The following PIGU variants were observed in gnomAD, a reference collection of about 807,000 sequenced individuals.
PIGU encodes the protein phosphatidylinositol glycan anchor biosynthesis class U.
PIGU carries 24 observed loss-of-function variants against 49.9 expected under a neutral mutation model. The ratio of observed to expected loss-of-function variants is 0.48; its 90% confidence interval spans 0.35 to 0.68. PIGU has a LOEUF of 0.68. PIGU is among the 30% of genes least tolerant of loss of function. PIGU has a pLI of 0.01. For synonymous variants in PIGU, 220 were observed against 205.7 expected (o/e 1.07, Z -0.59); for missense variants, 490 against 532.6 (o/e 0.92, Z 0.79).
At position 34,669,418 on chromosome 20, in the gene PIGU, G is replaced by GCAGGTAGAT. The variant is rs1480306733; in HGVS notation, c.130+7537_130+7538insATCTACCTG. ...GCAGTGACTCATGCCTGTAATCCCA[G>GCAGGTAGAT]CACTTTGGGAGGCAGAGGCAGGTAG... On this transcript the variant is annotated intron_variant, in intron 1 of 11. Transcript: ENST00000217446. Among the ~76,000 whole-genome samples the GCAGGTAGAT allele has an allele frequency of 2.3e-4, 35 of 152,254 alleles. No homozygotes were observed. In the East Asian group the frequency reaches 5.6e-3, roughly 24 times the overall value.
At chr20:34,621,585 G>T (rs1985236365) in intron 6 of PIGU, among the ~76,000 whole-genome samples, 1 of 152,122 alleles carries the variant, frequency 6.6e-6, no homozygotes, top group Non-Finnish European at 1.5e-5. Context: ...GCAAAAGTGA[G>T]GGTGAGTATG....
At chr20:34,655,968 CTTTTTTTTTTTT>C (rs759103027) in intron 2 of PIGU, among the ~76,000 whole-genome samples, 3 of 76,772 alleles carry the variant, frequency 3.9e-5, no homozygotes, top group African/African-American at 1.5e-4. Context: ...TTTCACTATT[CTTTTTTTTTTTT>C]TTTTTTTTTT....
At chr20:34,631,898 G>T (rs1352506640) in intron 6 of PIGU, among the ~76,000 whole-genome samples, 10 of 144,052 alleles carry the variant, frequency 6.9e-5, no homozygotes, top group African/African-American at 2.6e-4. Context: ...ACAGTGCAGT[G>T]TCACTATCTT....
chr20:34,570,088 G>A (rs974347316), intron 11 of PIGU, among the ~76,000 whole-genome samples: 3 of 152,190 alleles, frequency 2.0e-5, no homozygotes, highest in Admixed American at 6.5e-5. Context: ...ACAATGTAAA[G>A]GGCTGTCAGT....
At chr20:34,659,183 G>T (rs1488922771) in intron 1 of PIGU, among the ~76,000 whole-genome samples, 1 of 118,732 alleles carries the variant, frequency 8.4e-6, no homozygotes, top group Non-Finnish European at 1.8e-5. Flanking sequence ...CCGGCCAGCC[G>T]CCCCGTCCAG....
intron 3 of PIGU, 111 bp downstream of exon 3, chr20:34,645,164 G>A (rs1203074881): frequency 5.7e-6 from 7 of 1,223,310 alleles, no homozygotes; most frequent in Non-Finnish European, 6.5e-6. Flanking sequence ...GACCAGCCTG[G>A]GCAACACAGT....
At chr20:34,622,531 CAAA>C (rs201784721) in intron 6 of PIGU, among the ~76,000 whole-genome samples, 1 of 150,852 alleles carries the variant, frequency 6.6e-6, no homozygotes, top group Non-Finnish European at 1.5e-5. Context: ...AAAACAAAAA[CAAA>C]AAAAAAGTTA....
chr20:34,653,051 C>T (rs1986593936), intron 2 of PIGU, among the ~76,000 whole-genome samples: 1 of 151,540 alleles, frequency 6.6e-6, no homozygotes, highest in Non-Finnish European at 1.5e-5. Flanking sequence ...CCGCTCACTG[C>T]AAGCTCCGCC....
chr20:34,635,739 G>T (rs1985936974), intron 5 of PIGU, among the ~76,000 whole-genome samples: 2 of 152,070 alleles, frequency 1.3e-5, no homozygotes, highest in South Asian at 4.1e-4. Flanking sequence ...GCCAGGCGTG[G>T]TGGCACATGC....
At position 34,588,507 on chromosome 20, in the gene PIGU, AG is replaced by A; in HGVS notation, c.727del (p.Leu243SerfsTer62). 1 of 1,613,984 alleles carries A rather than the reference AG, an allele frequency of 6.2e-7. No individual in the cohort carries two copies. On this transcript the variant is annotated frameshift_variant, in exon 8 of 12. Coordinates refer to ENST00000217446, the MANE Select transcript of PIGU (RefSeq NM_080476.5). LOFTEE classifies it high-confidence loss of function. ...CCAAGAGCTGAGAAGGAAGAAGGAGAGGCAAATGATTACCACTAGGCTTCCC... is the reference window on the plus strand; with the variant it reads ...CCAAGAGCTGAGAAGGAAGAAGGAGAGCAAATGATTACCACTAGGCTTCCC... ...YVGSLVVIIC[L>X]SFFLLSSWDF...
chr20:34,666,251 TA>T (rs577632429), intron 1 of PIGU, among the ~76,000 whole-genome samples: 12 of 152,176 alleles, frequency 7.9e-5, no homozygotes, highest in African/African-American at 2.2e-4. Context: ...AAGTGCCTAT[TA>T]GGGGGAAAAA....
At chr20:34,566,119 T>C (rs1982755365) in intron 11 of PIGU, among the ~76,000 whole-genome samples, 1 of 152,112 alleles carries the variant, frequency 6.6e-6, no homozygotes, top group Admixed American at 6.5e-5. Context: ...CACGCTTGCC[T>C]GCTCAGAAGT....
chr20:34,644,660 G>A (rs368824032), intron 3 of PIGU, among the ~76,000 whole-genome samples: 17 of 152,254 alleles, frequency 1.1e-4, no homozygotes, highest in African/African-American at 4.1e-4. Flanking sequence ...CCAGACAAGT[G>A]TTTCAAATTG....
At chr20:34,659,109 C>T (rs1164956004) in intron 1 of PIGU, among the ~76,000 whole-genome samples, 4 of 139,304 alleles carry the variant, frequency 2.9e-5, no homozygotes, top group East Asian at 2.3e-4. Flanking sequence ...CCAGCCGCCC[C>T]GTCCGGGAGG....
intron 9 of PIGU, among the ~76,000 whole-genome samples, chr20:34,583,594 A>G (rs914348510): frequency 6.6e-6 from 1 of 152,250 alleles, no homozygotes; most frequent in Non-Finnish European, 1.5e-5. Flanking sequence ...TTGCATGCAG[A>G]CAATAAAAGC....
chr20:34,579,916 C>T (rs867973753), intron 10 of PIGU, among the ~76,000 whole-genome samples: 4 of 152,230 alleles, frequency 2.6e-5, no homozygotes, highest in Non-Finnish European at 4.4e-5. Flanking sequence ...ACGATACTAA[C>T]TGCAGTGCTA....
intron 1 of PIGU, among the ~76,000 whole-genome samples, chr20:34,662,073 C>T (rs1252950651): frequency 6.6e-6 from 1 of 152,052 alleles, no homozygotes; most frequent in African/African-American, 2.4e-5. Context: ...CCTGTGCCCC[C>T]CCGCCAACTG....
chr20:34,563,979 C>A (rs1411960757), intron 11 of PIGU, among the ~76,000 whole-genome samples: 1 of 152,150 alleles, frequency 6.6e-6, no homozygotes, highest in African/African-American at 2.4e-5. Context: ...TCAGACAAAC[C>A]TAAACTGGGG....
chr20:34,650,685 CTTTTCTTTTTTTCTCT>C (rs1600660937), intron 2 of PIGU, among the ~76,000 whole-genome samples: 1 of 94,624 alleles, frequency 1.1e-5, no homozygotes, highest in East Asian at 2.9e-4. Context: ...AATTTTTTTC[CTTTTCTTTTTTTCTCT>C]TTTTTTTTTT....
Sources: allele counts gnomAD v4.1 joint callset (sites outside exome capture counted in the v4.1 genomes callset), GRCh38; gene constraint gnomAD v4.1.1; transcripts MANE v1.5; gene names NCBI Gene and HGNC (gene_info 2026-07-23, HGNC 2026-07-21).